ZNF827: variants seen among roughly 807,000 people sequenced by gnomAD.
ZNF827 encodes zinc finger protein 827.
ZNF827 carries 13 observed loss-of-function variants against 102.4 expected under a neutral mutation model. The observed-to-expected ratio is 0.13, with a 90% CI of 0.08 to 0.20. The LOEUF (loss-of-function observed/expected upper bound fraction) is 0.20, where lower values mean the gene tolerates loss of function less well. Ranked by LOEUF, ZNF827 falls within the 10% of genes least tolerant of loss-of-function variation. The probability of loss-of-function intolerance (pLI) is 1.00; values close to 1 mark genes in which losing one functional copy is unlikely to be tolerated. For missense variants in ZNF827, 1,103 were observed against 1,344.4 expected (o/e 0.82, Z 2.81); for synonymous variants, 523 against 536.2 (o/e 0.98, Z 0.34).
At chr4:145,822,340 C>T (rs1002535044) in intron 8 of ZNF827, among the ~76,000 whole-genome samples, 1 of 152,052 alleles carries the variant, frequency 6.6e-6, no homozygotes, top group Non-Finnish European at 1.5e-5. Flanking sequence ...TCCCCACCCC[C>T]ACCCTCCACC....
chr4:145,859,507 C>T (rs1350050249), intron 5 of ZNF827, among the ~76,000 whole-genome samples: 1 of 152,174 alleles, frequency 6.6e-6, no homozygotes, highest in African/African-American at 2.4e-5. Flanking sequence ...GGACCTCCCA[C>T]TAGTAGATAA....
intron 8 of ZNF827, among the ~76,000 whole-genome samples, chr4:145,808,213 T>C (rs1741674343): frequency 6.6e-6 from 1 of 152,118 alleles, no homozygotes; most frequent in African/African-American, 2.4e-5. Context: ...ACAATCCACA[T>C]AACCAATTAA....
intron 7 of ZNF827, chr4:145,832,233 C>G (rs888280003): frequency 3.3e-5 from 5 of 152,560 alleles, no homozygotes; most frequent in African/African-American, 1.2e-4. Context: ...CCACTGCACT[C>G]CAGCCTGGGC....
At chr4:145,774,110 T>C (rs1483602425) in intron 11 of ZNF827, among the ~76,000 whole-genome samples, 1 of 152,184 alleles carries the variant, frequency 6.6e-6, no homozygotes, top group East Asian at 1.9e-4. Flanking sequence ...TTTCTTCACC[T>C]GTACTGTACA....
intron 8 of ZNF827, among the ~76,000 whole-genome samples, chr4:145,785,153 G>A (rs1738663860): frequency 6.6e-6 from 1 of 152,188 alleles, no homozygotes; most frequent in East Asian, 1.9e-4. Flanking sequence ...ACAGTGTAAG[G>A]AGAACGATCT....
rs1752541271 is a variant in ZNF827 at position 145,914,592 on chromosome 4, T to G, written c.44-11377A>C. Among the ~76,000 whole-genome samples, 7 of 152,178 alleles carry G rather than the reference T, an allele frequency of 4.6e-5. No homozygotes were observed. The South Asian group carries it at 6.2e-4, about 14-fold the overall frequency. ...TCTCCTTTTATTTTCCCTGCCCACCTTCTGGTACACACAGAAGTCAACAAT... is the reference window on the plus strand; with the variant it reads ...TCTCCTTTTATTTTCCCTGCCCACCGTCTGGTACACACAGAAGTCAACAAT... On this transcript the variant is annotated intron_variant, in intron 1 of 14. Coordinates refer to ENST00000508784, the MANE Select transcript of ZNF827 (RefSeq NM_001306215.2).
chr4:145,855,389 T>G (rs772440376), intron 5 of ZNF827, among the ~76,000 whole-genome samples: 6 of 152,176 alleles, frequency 3.9e-5, no homozygotes, highest in Non-Finnish European at 8.8e-5. Context: ...GCAAACACCC[T>G]CCACATATGA....
At chr4:145,905,941 G>A (rs1228040305) in intron 1 of ZNF827, among the ~76,000 whole-genome samples, 1 of 152,152 alleles carries the variant, frequency 6.6e-6, no homozygotes, top group Non-Finnish European at 1.5e-5. Flanking sequence ...TGTCATACCA[G>A]AGGAGCTCAA....
chr4:145,934,166 G>C lies in ZNF827; in HGVS notation c.43+4199C>G, dbSNP rs568833414. Among the ~76,000 whole-genome samples the C allele has an allele frequency of 7.6e-4, 115 of 152,134 alleles. 1 individual carries two copies. The highest frequency in any genetic ancestry group is 1.4e-3 in the Non-Finnish European group (97 of 68,022). ...GGCCAAGAAATAAAGGCTGTATCTC[G>C]TGTAATAATTTTTAAAACCACCCCT... On this transcript the variant is annotated intron_variant, in intron 1 of 14. Coordinates refer to ENST00000508784, the MANE Select transcript of ZNF827 (RefSeq NM_001306215.2).
chr4:145,832,802 G>C (rs4835258), intron 7 of ZNF827: 29,527 of 152,536 alleles, frequency 0.19, 3,977 homozygotes, highest in East Asian at 0.64. Context: ...ATTACCTTGT[G>C]TGCGACCCCC....
chr4:145,877,302 T>A (rs1749229062), intron 4 of ZNF827, among the ~76,000 whole-genome samples: 1 of 152,222 alleles, frequency 6.6e-6, no homozygotes, highest in Non-Finnish European at 1.5e-5. Flanking sequence ...TATGTATGTA[T>A]GTATGAACAG....
At chr4:145,877,921 C>G (rs1457191540) in intron 4 of ZNF827, among the ~76,000 whole-genome samples, 1 of 152,094 alleles carries the variant, frequency 6.6e-6, no homozygotes, top group Non-Finnish European at 1.5e-5. Flanking sequence ...ACTATTAACA[C>G]GGCCAAAGAA....
chr4:145,779,575 A>T, intron 8 of ZNF827, 64 bp from the exon 9 acceptor site: 1 of 1,574,040 alleles, frequency 6.4e-7, no homozygotes, highest in Non-Finnish European at 8.6e-7. Flanking sequence ...CTGTTAGTCA[A>T]CATTCAGGAT....
chr4:145,853,911 G>T (rs1439945145), intron 5 of ZNF827, among the ~76,000 whole-genome samples: 1 of 151,876 alleles, frequency 6.6e-6, no homozygotes, highest in Non-Finnish European at 1.5e-5. Flanking sequence ...GCTGCAGTAA[G>T]CCCTGATTGC....
chr4:145,826,127 C>T (rs1373924130), intron 7 of ZNF827, among the ~76,000 whole-genome samples: 1 of 152,170 alleles, frequency 6.6e-6, no homozygotes, highest in Non-Finnish European at 1.5e-5. Flanking sequence ...CAGGAGATAG[C>T]AAGTGTGCTA....
intron 4 of ZNF827, among the ~76,000 whole-genome samples, chr4:145,872,604 C>T (rs116139328): frequency 0.014 from 2,080 of 152,180 alleles, 20 homozygotes; most frequent in Non-Finnish European, 0.022. Context: ...TGGCTGGGTG[C>T]GGTGGCTCAT....
intron 8 of ZNF827, among the ~76,000 whole-genome samples, chr4:145,787,620 T>G (rs1195621343): frequency 6.6e-6 from 1 of 152,058 alleles, no homozygotes; most frequent in African/African-American, 2.4e-5. Context: ...AAAGTAGAAT[T>G]TTGCATTACT....
At chr4:145,839,826 C>T (rs1167749656) in intron 7 of ZNF827, among the ~76,000 whole-genome samples, 6 of 152,172 alleles carry the variant, frequency 3.9e-5, no homozygotes, top group Non-Finnish European at 8.8e-5. Flanking sequence ...AATACTATTG[C>T]AAGCCAGTAG....
intron 8 of ZNF827, among the ~76,000 whole-genome samples, chr4:145,800,503 G>A (rs1251283668): frequency 1.3e-5 from 2 of 152,002 alleles, no homozygotes; most frequent in Non-Finnish European, 2.9e-5. Flanking sequence ...ACAGACTCCT[G>A]AGCTCAAGCG....
Sources: allele counts gnomAD v4.1 joint callset (sites outside exome capture counted in the v4.1 genomes callset), GRCh38; gene constraint gnomAD v4.1.1; transcripts MANE v1.5; gene names NCBI Gene and HGNC (gene_info 2026-07-23, HGNC 2026-07-21).